The following KMT2E variants were observed in gnomAD, a reference collection of about 807,000 sequenced individuals.
KMT2E encodes lysine methyltransferase 2E (inactive), also known as histone reader KMT2E.
KMT2E carries 30 observed loss-of-function variants against 184.6 expected under a neutral mutation model. The ratio of observed to expected loss-of-function variants is 0.16; its 90% CI spans 0.12 to 0.22. The LOEUF is 0.22. Ranked by LOEUF, KMT2E falls within the 10% of genes least tolerant of loss-of-function variation. The pLI, the probability that KMT2E is intolerant of heterozygous loss-of-function variation, is 1.00. For missense variants in KMT2E, 2,023 were observed against 2,237.4 expected (o/e 0.90, Z 1.93); for synonymous variants, 815 against 776.5 (o/e 1.05, Z -0.82).
intron 1 of KMT2E, among the ~76,000 whole-genome samples, chr7:105,028,810 T>C (rs770371982): frequency 1.3e-4 from 20 of 152,108 alleles, no homozygotes; most frequent in Non-Finnish European, 2.4e-4. Context: ...GGCCTGAGAC[T>C]GAGACATTTC....
chr7:105,107,605 A>C lies in KMT2E; in HGVS notation c.3148A>C (p.Asn1050His), dbSNP rs1447933243. Residue 1050 changes from asparagine (N) to histidine (H), a missense_variant, in exon 22 of 27, where the codon AAC (asparagine) becomes CAC (histidine). Transcript: ENST00000311117. Reference sequence around the variant, plus strand: ...GCCTGCACATGACAGGGCTGAGCCCAACAGCCAACTGGACTCGACTCACTC... The same window carrying C: ...GCCTGCACATGACAGGGCTGAGCCCCACAGCCAACTGGACTCGACTCACTC... ...ETPAHDRAEPNSQLDSTHSGR... is the reference protein window; with the variant it reads ...ETPAHDRAEPHSQLDSTHSGR... The C allele has an allele frequency of 6.2e-7, 1 of 1,614,048 alleles. No individual in the cohort carries two copies. Among genetic ancestry groups the C allele is most frequent in the Non-Finnish European group, 8.5e-7 (1 of 1,180,026 alleles).
chr7:105,110,332 T>G lies in KMT2E; in HGVS notation c.3808T>G (p.Leu1270Val). 6.2e-7 allele frequency: 1 copy of G among 1,614,146 alleles called. No individual in the cohort carries two copies. Among genetic ancestry groups the G allele is most frequent in the Admixed American group, 1.7e-5 (1 of 60,026 alleles). ...QVRERSYQRA[L>V]LLSDHRKDKD... is the part of the protein sequence containing the mutation. ...CAGAGAAAGGAGTTATCAGAGAGCTTTACTTCTCAGTGATCACCGAAAAGA... is the reference window on the plus strand; with the variant it reads ...CAGAGAAAGGAGTTATCAGAGAGCTGTACTTCTCAGTGATCACCGAAAAGA... Residue 1270 changes from leucine (L) to valine (V), a missense_variant, in exon 24 of 27, where the codon TTA (leucine) becomes GTA (valine). This residue lies in a region of KMT2E where 1,108 missense variants were observed against 1,050.9 expected (regional missense o/e 1.05). Coordinates refer to ENST00000311117, the MANE Select transcript of KMT2E (RefSeq NM_182931.3).
chr7:105,105,195 T>C (rs1798846684), intron 17 of KMT2E: 1 of 340,540 alleles, frequency 2.9e-6, no homozygotes, highest in African/African-American at 2.1e-5. Context: ...TTTCATGTAA[T>C]ATAAATATTT....
chr7:105,031,297 C>T lies in KMT2E; in HGVS notation c.-188-6829C>T, dbSNP rs113167423. On this transcript the variant is annotated intron_variant, in intron 1 of 26. Transcript: ENST00000311117. ...GCTTGATCCTGGGAGGTGGAGGTTG[C>T]AGTGAGCCAAGATGGCGCCATTGCA... 6.7e-3 allele frequency among the ~76,000 whole-genome samples: 879 copies of T among 132,136 alleles called. 10 individuals are homozygous for T. Among genetic ancestry groups the T allele is most frequent in the African/African-American group, 0.024 (830 of 34,656 alleles). The allele number at this position is 132,136 out of a possible 152,430, so 86.7% of individuals were successfully genotyped here.
chr7:105,028,567 C>G (rs1388173166), intron 1 of KMT2E, among the ~76,000 whole-genome samples: 3 of 152,096 alleles, frequency 2.0e-5, no homozygotes, highest in African/African-American at 7.2e-5. Context: ...TTTTAGCTCA[C>G]TGTAACCTCC....
chr7:105,074,421 C>T (rs1797448286), intron 7 of KMT2E, among the ~76,000 whole-genome samples: 1 of 152,158 alleles, frequency 6.6e-6, no homozygotes, highest in South Asian at 2.1e-4. Flanking sequence ...AGGCACACCA[C>T]CAGAGTGTGT....
rs74659854 is a variant in KMT2E at position 105,054,913 on chromosome 7, A to C, written c.72-7251A>C. Among the ~76,000 whole-genome samples, 454 of 152,320 alleles carry C rather than the reference A, an allele frequency of 3.0e-3. 15 individuals carry two copies. In the East Asian group the frequency reaches 0.062, roughly 21 times the overall value. On this transcript the variant is annotated intron_variant, in intron 3 of 26. Coordinates refer to ENST00000311117, the MANE Select transcript of KMT2E (RefSeq NM_182931.3). ...CATGAGGATCACTTTGAAACTAGAC[A>C]TAGTGCCAAGTGCTTTTCAGAAAAG...
rs141376909 is a variant in KMT2E, at chr7:105,100,573, T to C, written c.1723-852T>C. The stretch of plus-strand genomic sequence containing the variant: ...TCAAGGCTCTGGGTCTTACTCTTAA[T>C]GTTCTCTTTGGATAGAGAACTGATG... On this transcript the variant is annotated intron_variant, in intron 15 of 26. Transcript: ENST00000311117. 7.1e-3 allele frequency among the ~76,000 whole-genome samples: 1,075 copies of C among 152,308 alleles called. 9 individuals are homozygous for C. The highest frequency in any genetic ancestry group is 0.017 in the Middle Eastern group (5 of 294).
intron 22 of KMT2E, chr7:105,108,523 T>C (rs1799010839): frequency 2.2e-6 from 1 of 453,438 alleles, no homozygotes; most frequent in Non-Finnish European, 4.4e-6. Context: ...TCGTGATGTG[T>C]GCTTTTAATT....
At chr7:105,036,029 G>A (rs953385837) in intron 1 of KMT2E, among the ~76,000 whole-genome samples, 11 of 152,178 alleles carry the variant, frequency 7.2e-5, no homozygotes, top group African/African-American at 2.7e-4. Flanking sequence ...CAATTCAGAT[G>A]TTCTGGAGTG....
intron 4 of KMT2E, among the ~76,000 whole-genome samples, chr7:105,062,748 G>T (rs1796869605): frequency 1.3e-5 from 2 of 151,416 alleles, no homozygotes; most frequent in South Asian, 4.2e-4. Context: ...TATTTCATAG[G>T]TGAGAAAATA....
In KMT2E at chr7:105,113,993, T is replaced by TTAA. The variant is rs1799472146; in HGVS notation, c.*662_*664dup. 1.3e-5 allele frequency: 2 copies of TTAA among 152,742 alleles called. No homozygotes were observed. Among genetic ancestry groups the TTAA allele is most frequent in the South Asian group, 4.1e-4 (2 of 4,836 alleles). 9.5% of individuals were successfully genotyped at this position (152,742 alleles called of 1,614,324 possible). On this transcript the variant is annotated 3_prime_UTR_variant, in exon 27 of 27. Transcript: ENST00000311117. ...GTGAAAGTAGTACAGTATATGACCTTTAATTTCTTTTTTATTTTAAATATA... is the reference window on the plus strand; with the variant it reads ...GTGAAAGTAGTACAGTATATGACCTTTAATAATTTCTTTTTTATTTTAAATATA...
chr7:105,071,612 T>TTA (rs1797320637), intron 6 of KMT2E, among the ~76,000 whole-genome samples: 1 of 67,376 alleles, frequency 1.5e-5, no homozygotes, highest in African/African-American at 8.1e-5. Flanking sequence ...ATATATATTT[T>TTA]TTTTTTTTTT....
intron 3 of KMT2E, among the ~76,000 whole-genome samples, chr7:105,049,237 G>T (rs1404555899): frequency 6.6e-6 from 1 of 151,948 alleles, no homozygotes; most frequent in African/African-American, 2.4e-5. Flanking sequence ...TTGAGCCCAA[G>T]AATTCAAGAC....
chr7:105,059,369 TCA>T (rs1377149224), intron 3 of KMT2E, among the ~76,000 whole-genome samples: 1 of 152,212 alleles, frequency 6.6e-6, no homozygotes, highest in African/African-American at 2.4e-5. Context: ...TGCTAAAACT[TCA>T]CTTCTTCCTT....
intron 1 of KMT2E, among the ~76,000 whole-genome samples, chr7:105,027,802 A>G (rs1471017144): frequency 1.3e-5 from 2 of 152,004 alleles, no homozygotes; most frequent in Admixed American, 6.5e-5. Context: ...AAGTATTTAC[A>G]TATATATTTA....
intron 3 of KMT2E, among the ~76,000 whole-genome samples, chr7:105,048,026 A>G (rs919136668): frequency 2.0e-5 from 3 of 152,118 alleles, no homozygotes; most frequent in Admixed American, 6.6e-5. Flanking sequence ...ATTGTGTGAA[A>G]TCCTTTTTTT....
chr7:105,113,357 TAAA>T lies in KMT2E; in HGVS notation c.*25_*27del. On this transcript the variant is annotated 3_prime_UTR_variant, in exon 27 of 27. Coordinates refer to ENST00000311117, the MANE Select transcript of KMT2E (RefSeq NM_182931.3). ...AAAATGGACTCCAAAAACATTTTTTTAAATGTTCTGTAAGATAAACTGTATATT... is the reference window on the plus strand; with the variant it reads ...AAAATGGACTCCAAAAACATTTTTTTTGTTCTGTAAGATAAACTGTATATT... The T allele has an allele frequency of 6.3e-7, 1 of 1,588,830 alleles. No individual in the cohort carries two copies. Among genetic ancestry groups the T allele is most frequent in the African/African-American group, 1.3e-5 (1 of 74,280 alleles).
intron 13 of KMT2E, among the ~76,000 whole-genome samples, chr7:105,086,194 T>C (rs978468037): frequency 2.6e-5 from 4 of 152,198 alleles, no homozygotes; most frequent in African/African-American, 9.6e-5. Flanking sequence ...ACCTTTATAT[T>C]GACAAAAGAA....
Sources: allele counts gnomAD v4.1 joint callset (sites outside exome capture counted in the v4.1 genomes callset), GRCh38; gene constraint gnomAD v4.1.1; regional missense constraint gnomAD v4.1.1; transcripts MANE v1.5; gene names NCBI Gene and HGNC (gene_info 2026-07-23, HGNC 2026-07-21).